DNAH3: variants seen among roughly 807,000 people sequenced by gnomAD.
DNAH3 encodes the protein axonemal beta dynein heavy chain 3.
Under a neutral mutation model 432.5 loss-of-function variants are expected in DNAH3, and 332 were observed. That is an observed-to-expected ratio of 0.77 (90% CI 0.70 to 0.84). The LOEUF is 0.84. Among genes scored for constraint, DNAH3 ranks in the 40% least tolerant of loss-of-function variants. The pLI, the probability that DNAH3 is intolerant of heterozygous loss-of-function variation, is 0.00. For synonymous variants in DNAH3, 1,956 were observed against 1,900.2 expected (o/e 1.03, Z -0.76); for missense variants, 4,861 against 5,114.0 (o/e 0.95, Z 1.51).
chr16:21,012,761 T>A (rs567008864), intron 41 of DNAH3, among the ~76,000 whole-genome samples: 66 of 152,288 alleles, frequency 4.3e-4, no homozygotes, highest in African/African-American at 1.5e-3. Context: ...AAACACTTTT[T>A]AATTTTTTTT....
At chr16:21,002,429 T>C (rs1313368922) in intron 42 of DNAH3, among the ~76,000 whole-genome samples, 2 of 143,900 alleles carry the variant, frequency 1.4e-5, no homozygotes, top group Non-Finnish European at 3.0e-5. Flanking sequence ...AGCACACTGA[T>C]GACTATCTGG....
At position 20,936,566 on chromosome 16, in the gene DNAH3, C is replaced by G. The variant is rs2301619; in HGVS notation, c.11859+83G>C. Reference sequence around the variant, plus strand: ...TCTGTGGCTGCCTGCCCTCCTCCCCCTGCCTCTAGTCTGCCATTTCAGAAT... The same window carrying G: ...TCTGTGGCTGCCTGCCCTCCTCCCCGTGCCTCTAGTCTGCCATTTCAGAAT... On this transcript the variant is annotated intron_variant, in intron 60 of 61. Transcript: ENST00000261383. 88 of 1,278,498 alleles carry G rather than the reference C, an allele frequency of 6.9e-5. No individual in the cohort carries two copies. The African/African-American group carries it at 1.1e-3, about 17-fold the overall frequency. 79.2% of individuals were successfully genotyped at this position (1,278,498 alleles called of 1,614,324 possible).
chr16:21,121,260 A>G (rs1052833224), intron 10 of DNAH3, among the ~76,000 whole-genome samples: 1 of 152,174 alleles, frequency 6.6e-6, no homozygotes, highest in African/African-American at 2.4e-5. Context: ...CATGTGCATG[A>G]TCCTGTCTAG....
intron 21 of DNAH3, 106 bp from the exon 22 acceptor site, chr16:21,070,932 C>G: frequency 1.4e-6 from 1 of 711,782 alleles, no homozygotes. Context: ...TCACCCAGGC[C>G]TGAGTGCAAT....
Position 21,096,459 on chromosome 16 carries a change from T to C in DNAH3, c.2665+896A>G, listed in dbSNP as rs573053713. 3.9e-5 allele frequency among the ~76,000 whole-genome samples: 6 copies of C among 152,266 alleles called. No individual in the cohort carries two copies. In the East Asian group the frequency reaches 7.7e-4, roughly 20 times the overall value. ...GGATCTCTGATTTTGTCCTCTGTTC[T>C]TCAACACCCTCCACAGGTGTTATCA... On this transcript the variant is annotated intron_variant, in intron 18 of 61. Coordinates refer to ENST00000261383, the Ensembl canonical transcript of DNAH3.
chr16:21,126,233 T>TC (rs1420457500), intron 8 of DNAH3, among the ~76,000 whole-genome samples: 1 of 152,082 alleles, frequency 6.6e-6, no homozygotes, highest in Non-Finnish European at 1.5e-5. Flanking sequence ...TCCTCCCATG[T>TC]CCCCCAGTTT....
At chr16:21,116,793 T>C (rs2092213217) in intron 12 of DNAH3, among the ~76,000 whole-genome samples, 7 of 152,228 alleles carry the variant, frequency 4.6e-5, no homozygotes. Flanking sequence ...GATATGAGGC[T>C]ATTATGTGAA....
exon 32 of DNAH3, chr16:21,042,168 G>A (rs1016140441): frequency 4.3e-6 from 7 of 1,611,344 alleles, no homozygotes; most frequent in Middle Eastern, 1.6e-4. Context: ...GTTGGATGCT[G>A]AGGATCTGCT....
At position 21,127,790 on chromosome 16, in the gene DNAH3, G is replaced by A. The variant is rs761967461; in HGVS notation, c.1105C>T (p.Arg369Ter). 45 of 1,613,912 alleles carry A rather than the reference G, an allele frequency of 2.8e-5. No individual in the cohort carries two copies. Among genetic ancestry groups the A allele is most frequent in the Middle Eastern group, 1.6e-4 (1 of 6,082 alleles). The change falls in exon 8 of 62, where the codon CGA becomes TGA. Residue 369 changes from arginine to a stop codon, truncating the protein, a stop_gained. Transcript: ENST00000261383. LOFTEE classifies it high-confidence loss of function. ...TTTCCCGCTAGTATTTCTGCTGTTC[G>A]AACAAACCTGAGGTCTCTGAATCTG...
chr16:20,936,393 TGATCCGCCTGCCTCGGCCTCCCA>T lies in DNAH3; in HGVS notation c.11859+233_11859+255del, dbSNP rs1403716213. Among the ~76,000 whole-genome samples, 174 of 152,094 alleles carry T rather than the reference TGATCCGCCTGCCTCGGCCTCCCA, an allele frequency of 1.1e-3. 4 individuals carry two copies. Among genetic ancestry groups the T allele is most frequent in the Admixed American group, 0.011 (174 of 15,254 alleles). On this transcript the variant is annotated intron_variant, in intron 60 of 61. Transcript: ENST00000261383. ...CTGGTGTCGAACTCCTGACCTCAAG[TGATCCGCCTGCCTCGGCCTCCCA>T]GAGTGCTGGCAATACAGATGTGAGC...
At chr16:20,955,840 TGATAA>T in intron 54 of DNAH3, among the ~76,000 whole-genome samples, 1 of 152,284 alleles carries the variant, frequency 6.6e-6, no homozygotes, top group East Asian at 1.9e-4. Flanking sequence ...AAACTAGAAT[TGATAA>T]TTTTACCACC....
rs564997707 is a variant in DNAH3 at position 21,030,625 on chromosome 16, T to C, written c.5439+420A>G. On this transcript the variant is annotated intron_variant, in intron 37 of 61. Transcript: ENST00000261383. ...CGTTAAGTATTAGGGTAGTTTGTTA[T>C]ATAGCAATAAGTAACCAAAACATAT... 4.6e-5 allele frequency among the ~76,000 whole-genome samples: 7 copies of C among 152,350 alleles called. No individual in the cohort carries two copies. In the South Asian group the frequency reaches 1.2e-3, roughly 27 times the overall value.
At chr16:21,087,800 G>T (rs1309748974) in intron 18 of DNAH3, among the ~76,000 whole-genome samples, 1 of 151,898 alleles carries the variant, frequency 6.6e-6, no homozygotes, top group Non-Finnish European at 1.5e-5. Flanking sequence ...TGGGAGGCTG[G>T]GGTGGGAGGA....
chr16:20,991,550 C>A (rs2086560076), intron 44 of DNAH3, among the ~76,000 whole-genome samples: 1 of 152,198 alleles, frequency 6.6e-6, no homozygotes, highest in Non-Finnish European at 1.5e-5. Context: ...AGACGTGAGC[C>A]TCTGCACCTG....
intron 12 of DNAH3, among the ~76,000 whole-genome samples, chr16:21,116,807 T>C (rs2092213730): frequency 6.6e-6 from 1 of 152,174 alleles, no homozygotes; most frequent in East Asian, 1.9e-4. Flanking sequence ...ATGTGAATAT[T>C]TATAGGTTTC....
chr16:21,066,605 T>G (rs1240976253), intron 24 of DNAH3, among the ~76,000 whole-genome samples: 2 of 152,218 alleles, frequency 1.3e-5, no homozygotes, highest in East Asian at 3.9e-4. Context: ...CTGAGCTCAA[T>G]GAATCCTCCC....
intron 41 of DNAH3, among the ~76,000 whole-genome samples, chr16:21,005,286 CCTTG>C (rs1486057079): frequency 1.4e-5 from 2 of 146,446 alleles, no homozygotes; most frequent in African/African-American, 5.1e-5. Context: ...TTCTTTCCTT[CCTTG>C]CTTCCCTCCT....
At chr16:21,085,726 G>A (rs935787077) in intron 19 of DNAH3, among the ~76,000 whole-genome samples, 1 of 151,864 alleles carries the variant, frequency 6.6e-6, no homozygotes, top group Non-Finnish European at 1.5e-5. Flanking sequence ...AGAACAAAGT[G>A]CTCCTTGTCA....
At chr16:21,095,150 AG>A (rs915902899) in intron 18 of DNAH3, among the ~76,000 whole-genome samples, 4 of 152,220 alleles carry the variant, frequency 2.6e-5, no homozygotes, top group Admixed American at 6.5e-5. Context: ...GGAAAACAAA[AG>A]TTTGGCATTT....
Sources: gnomAD v4.1 joint callset for allele counts (sites outside exome capture counted in the v4.1 genomes callset) on GRCh38, gnomAD v4.1.1 for gene constraint, MANE v1.5 for transcripts, NCBI Gene and HGNC (gene_info 2026-07-23, HGNC 2026-07-21) for gene names.